The following PRRG1 variants were observed in gnomAD, a reference collection of about 807,000 sequenced individuals.
PRRG1 encodes the protein transmembrane gamma-carboxyglutamic acid protein 1.
Under a neutral mutation model 11.8 loss-of-function variants are expected in PRRG1, and 5 were observed. The observed-to-expected ratio is 0.42, with a 90% CI of 0.22 to 0.89. The LOEUF (loss-of-function observed/expected upper bound fraction) is 0.89, where lower values mean the gene tolerates loss of function less well. Ranked by LOEUF, PRRG1 falls within the 40% of genes least tolerant of loss-of-function variation. The probability of loss-of-function intolerance (pLI) is 0.28; values close to 1 mark genes in which losing one functional copy is unlikely to be tolerated. For missense variants in PRRG1, 155 were observed against 166.1 expected (o/e 0.93, Z 0.37); for synonymous variants, 66 against 60.4 (o/e 1.09, Z -0.43).
At position 37,399,024 on chromosome X, in the gene PRRG1, C is replaced by T. The variant is rs782304079; in HGVS notation, c.-41-7185C>T. On this transcript the variant is annotated intron_variant, in intron 1 of 3. Transcript: ENST00000378628. Reference sequence around the variant, plus strand: ...ATCTGATTGGTGTACCTGAAAGTGACGAGGAGAATGGAACCAAGTTGGAAA... The same window carrying T: ...ATCTGATTGGTGTACCTGAAAGTGATGAGGAGAATGGAACCAAGTTGGAAA... 6.3e-5 allele frequency among the ~76,000 whole-genome samples: 7 copies of T among 111,183 alleles called. No homozygotes were observed. In the South Asian group the frequency reaches 1.9e-3, roughly 30 times the overall value.
chrX:37,443,696 G>A (rs1371230219), intron 3 of PRRG1, among the ~76,000 whole-genome samples: 5 of 111,935 alleles, frequency 4.5e-5, no homozygotes, highest in Admixed American at 2.8e-4. Flanking sequence ...CTTTCTAGAT[G>A]TGGAGAAGAG....
At position 37,453,435 on chromosome X, in the gene PRRG1, T is replaced by A. The variant is rs1921233218; in HGVS notation, c.471T>A (p.Asp157Glu). 2.5e-6 allele frequency: 3 copies of A among 1,209,249 alleles called. No homozygotes were observed. The highest frequency in any genetic ancestry group is 3.4e-6 in the Non-Finnish European group (3 of 894,496). The change falls in exon 4 of 4, where the codon GAT (aspartate) becomes GAA (glutamate). Residue 157 changes from aspartate (D) to glutamate (E), a missense_variant. Physicochemically the swap from Asp to Glu is conservative, Grantham distance 45 (BLOSUM62 2). Coordinates refer to ENST00000378628, the MANE Select transcript of PRRG1 (RefSeq NM_001142395.2). ...GFLGYVVGRS[D>E]SVSTRLSNCD... is the part of the protein sequence containing the mutation. Reference sequence around the variant, plus strand: ...TGGGATATGTAGTTGGGCGCTCAGATTCCGTCTCTACTCGCCTGTCCAATT... The same window carrying A: ...TGGGATATGTAGTTGGGCGCTCAGAATCCGTCTCTACTCGCCTGTCCAATT...
At chrX:37,384,989 A>G (rs1320028915) in intron 1 of PRRG1, among the ~76,000 whole-genome samples, 1 of 111,961 alleles carries the variant, frequency 8.9e-6, no homozygotes, top group Non-Finnish European at 1.9e-5. Flanking sequence ...ATAGAAATAT[A>G]GGCATACATC....
chrX:37,370,673 C>T (rs782383933), intron 1 of PRRG1, among the ~76,000 whole-genome samples: 16 of 111,656 alleles, frequency 1.4e-4, no homozygotes, highest in Admixed American at 2.8e-4. Context: ...GCCCCATCCT[C>T]CCAGGCACAG....
intron 3 of PRRG1, among the ~76,000 whole-genome samples, chrX:37,437,321 C>T (rs1489167879): frequency 1.8e-5 from 2 of 111,208 alleles, no homozygotes; most frequent in African/African-American, 3.3e-5. Context: ...GGGAGGTGCT[C>T]TCCTGCCCAT....
At chrX:37,401,740 T>C (rs1420058854) in intron 1 of PRRG1, among the ~76,000 whole-genome samples, 31 of 110,872 alleles carry the variant, frequency 2.8e-4, no homozygotes, top group African/African-American at 8.9e-4. Context: ...AAAACCCCAT[T>C]GTCTCAGCCC....
intron 1 of PRRG1, among the ~76,000 whole-genome samples, chrX:37,377,878 C>G (rs17147149): frequency 0.019 from 2,117 of 111,520 alleles, 47 homozygotes; most frequent in African/African-American, 0.059. Context: ...CTTCTGGGTT[C>G]ATTACAGAGC....
chrX:37,422,334 A>G (rs1932684174), intron 2 of PRRG1, among the ~76,000 whole-genome samples: 5 of 112,300 alleles, frequency 4.5e-5, no homozygotes, highest in Admixed American at 3.8e-4. Flanking sequence ...GGAAGCCAAT[A>G]ATCCTGACCA....
chrX:37,420,668 C>CAAAAAAAAAAAAAA (rs1302856034), intron 2 of PRRG1, among the ~76,000 whole-genome samples: 3 of 29,528 alleles, frequency 1.0e-4, no homozygotes, highest in African/African-American at 4.3e-4. Context: ...CCCGTCTATG[C>CAAAAAAAAAAAAAA]AAAAAAAAAA....
intron 1 of PRRG1, among the ~76,000 whole-genome samples, chrX:37,388,216 T>C (rs1203599345): frequency 8.9e-6 from 1 of 112,238 alleles, no homozygotes; most frequent in Non-Finnish European, 1.9e-5. Context: ...CTTCTGCTTT[T>C]CCAGGCTGAG....
intron 3 of PRRG1, among the ~76,000 whole-genome samples, chrX:37,439,793 C>CTTTTTTT (rs36010783): frequency 1.4e-5 from 1 of 74,017 alleles, no homozygotes; most frequent in East Asian, 4.1e-4. Flanking sequence ...CTTTAAAATT[C>CTTTTTTT]TTTTTTTTTT....
intron 3 of PRRG1, among the ~76,000 whole-genome samples, chrX:37,447,310 G>C (rs1933095988): frequency 9.0e-6 from 1 of 111,423 alleles, no homozygotes; most frequent in Admixed American, 9.5e-5. Context: ...TTTTTAACAG[G>C]GTTAAGATAG....
chrX:37,426,151 G>A, intron 3 of PRRG1, 151 bp downstream of exon 3: 2 of 606,020 alleles, frequency 3.3e-6, no homozygotes, highest in Non-Finnish European at 4.9e-6. Flanking sequence ...GTAATATTCT[G>A]TGGGTTGGAG....
intron 3 of PRRG1, among the ~76,000 whole-genome samples, chrX:37,430,491 C>G (rs1371434049): frequency 5.4e-5 from 6 of 111,740 alleles, no homozygotes. Context: ...AGAATTCCAG[C>G]ACCCAAAAAC....
chrX:37,350,953 A>G (rs1556364704), intron 1 of PRRG1, among the ~76,000 whole-genome samples: 2 of 110,730 alleles, frequency 1.8e-5, no homozygotes, highest in Non-Finnish European at 3.8e-5. Flanking sequence ...TCTCTTTTCT[A>G]GTGCCTGATG....
intron 3 of PRRG1, among the ~76,000 whole-genome samples, chrX:37,433,547 G>A (rs1932853681): frequency 9.6e-6 from 1 of 103,897 alleles, no homozygotes; most frequent in African/African-American, 3.9e-5. Flanking sequence ...TTCAAGCACT[G>A]ACATCATTTG....
chrX:37,427,538 A>G (rs1170817718), intron 3 of PRRG1, among the ~76,000 whole-genome samples: 2 of 112,429 alleles, frequency 1.8e-5, no homozygotes, highest in Non-Finnish European at 3.8e-5. Flanking sequence ...AGCTGTAGGT[A>G]CCATGCTGTA....
chrX:37,456,762 T>C lies in PRRG1; in HGVS notation c.*3141T>C, dbSNP rs1447614684. ...GCTTTTGTCTTTCTTACCTGATTGA[T>C]ATTACATTCACCTTTGATTGTTTTT... On this transcript the variant is annotated 3_prime_UTR_variant, in exon 4 of 4. Coordinates refer to ENST00000378628, the MANE Select transcript of PRRG1 (RefSeq NM_001142395.2). 1 of 112,644 alleles carries C rather than the reference T, an allele frequency of 8.9e-6. No homozygotes were observed. The allele number at this position is 112,644 out of a possible 1,213,427, so 9.3% of individuals were successfully genotyped here.
chrX:37,399,126 G>A (rs1271856876), intron 1 of PRRG1, among the ~76,000 whole-genome samples: 4 of 111,188 alleles, frequency 3.6e-5, no homozygotes, highest in African/African-American at 1.3e-4. Context: ...AGGAAATACA[G>A]AGAATGCCAC....
Sources: allele counts gnomAD v4.1 joint callset (sites outside exome capture counted in the v4.1 genomes callset), GRCh38; gene constraint gnomAD v4.1.1; transcripts MANE v1.5; gene names NCBI Gene and HGNC (gene_info 2026-07-23, HGNC 2026-07-21).